SANBR: variants seen among roughly 807,000 people sequenced by gnomAD.
SANBR encodes SANT and BTB domain regulator of CSR.
In SANBR, 77 loss-of-function variants were observed where a neutral mutation model predicts 101.8. The observed-to-expected ratio is 0.76, with a 90% confidence interval of 0.63 to 0.91. The LOEUF (loss-of-function observed/expected upper bound fraction) is 0.91. Ranked by LOEUF, SANBR falls within the 40% of genes least tolerant of loss-of-function variation. SANBR has a pLI of 0.00. For missense variants in SANBR, 875 were observed against 853.0 expected (o/e 1.03, Z -0.32); for synonymous variants, 279 against 274.7 (o/e 1.02, Z -0.15).
intron 20 of SANBR, among the ~76,000 whole-genome samples, chr2:61,119,888 G>C (rs1684252193): frequency 6.6e-6 from 1 of 152,148 alleles, no homozygotes; most frequent in African/African-American, 2.4e-5. Flanking sequence ...CTTGAGCCTG[G>C]GAGGCAGAAG....
intron 8 of SANBR, 106 bp downstream of exon 8, chr2:61,083,420 A>G (rs1682247765): frequency 6.2e-6 from 5 of 805,824 alleles, no homozygotes; most frequent in Non-Finnish European, 9.7e-6. Context: ...TCTTTGAGAA[A>G]GGTTCTCACT....
At position 61,106,593 on chromosome 2, in the gene SANBR, G is replaced by A; in HGVS notation, c.1542G>A (p.Lys514=). The A allele has an allele frequency of 1.2e-6, 2 of 1,602,324 alleles. No individual in the cohort carries two copies. Among genetic ancestry groups the A allele is most frequent in the Non-Finnish European group, 8.5e-7 (1 of 1,176,324 alleles). ...SDVGVGLCDE[K]GIECDVLLEP... is the part of the protein sequence containing the mutation. ...TTGGGGTTGGCCTCTGTGATGAAAA[G>A]GGTATAGAATGTGATGTTTTACTGG... The change falls in exon 14 of 22, where the codon AAG becomes AAA. Residue 514 remains lysine (K), a synonymous_variant. Coordinates refer to ENST00000402291, the MANE Select transcript of SANBR (RefSeq NM_001129993.3).
At chr2:61,089,675 CAAAT>C (rs1324760877) in intron 10 of SANBR, 1 of 152,068 alleles carries the variant, frequency 6.6e-6, no homozygotes, top group African/African-American at 2.4e-5. Flanking sequence ...AACTCCATCT[CAAAT>C]AAATAAAATA....
downstream of SANBR, among the ~76,000 whole-genome samples, chr2:61,125,391 G>A (rs558201668): frequency 3.3e-5 from 5 of 152,256 alleles, no homozygotes; most frequent in Admixed American, 6.5e-5. Flanking sequence ...AATACTTTTC[G>A]TGGTTTCTAT....
intron 11 of SANBR, among the ~76,000 whole-genome samples, chr2:61,096,212 C>G (rs2104912515): frequency 6.6e-6 from 1 of 152,240 alleles, no homozygotes; most frequent in Middle Eastern, 3.4e-3. Context: ...CTTCAAAGCC[C>G]AACATTATCA....
intron 1 of SANBR, among the ~76,000 whole-genome samples, chr2:61,066,995 T>C (rs1681210806): frequency 6.6e-6 from 1 of 152,328 alleles, no homozygotes; most frequent in South Asian, 2.1e-4. Context: ...TAATTTGAAC[T>C]TTGAGCTTTT....
At chr2:61,127,010 T>C (rs982009673), downstream of SANBR, among the ~76,000 whole-genome samples, 3 of 152,198 alleles carry the variant, frequency 2.0e-5, no homozygotes, top group African/African-American at 4.8e-5. Context: ...GTATAAAATA[T>C]TCATCCAAGT....
At chr2:61,128,723 ACCTCAG>A (rs1684589622), downstream of SANBR, among the ~76,000 whole-genome samples, 1 of 151,950 alleles carries the variant, frequency 6.6e-6, no homozygotes, top group Admixed American at 6.6e-5. Flanking sequence ...CAAACTCCTG[ACCTCAG>A]GTGATCCGTC....
chr2:61,079,002 G>A (rs1255625913), intron 6 of SANBR, among the ~76,000 whole-genome samples: 1 of 151,806 alleles, frequency 6.6e-6, no homozygotes, highest in Non-Finnish European at 1.5e-5. Flanking sequence ...TTGCACCACC[G>A]CATTCCAGCC....
chr2:61,105,681 C>CT (rs953373735), intron 13 of SANBR, among the ~76,000 whole-genome samples: 11 of 138,874 alleles, frequency 7.9e-5, no homozygotes, highest in African/African-American at 1.1e-4. Context: ...CCCCTCCTTT[C>CT]TTTTTTTTTG....
intron 8 of SANBR, among the ~76,000 whole-genome samples, 163 bp from the exon 9 acceptor site, chr2:61,087,994 CTG>C (rs928749595): frequency 6.6e-6 from 1 of 152,012 alleles, no homozygotes; most frequent in Non-Finnish European, 1.5e-5. Flanking sequence ...TAATAATAAA[CTG>C]TTAATTTTAT....
In SANBR at chr2:61,097,706, C is replaced by G. The variant is rs1683094660; in HGVS notation, c.1219C>G (p.Leu407Val). ...LTCSRCYQAF[L>V]CIEFSHCQYH... ...TTATCTATGTCTTTATCAGGCCTTT[C>G]TCTGTATTGAATTTTCACATTGTCA... The change falls in exon 12 of 22, where the codon CTC (leucine) becomes GTC (valine). Residue 407 changes from leucine to valine, a missense_variant. Physicochemically the swap from Leu to Val is conservative, Grantham distance 32. Coordinates refer to ENST00000402291, the MANE Select transcript of SANBR (RefSeq NM_001129993.3). 6.3e-7 allele frequency: 1 copy of G among 1,598,698 alleles called. No individual in the cohort carries two copies. Among genetic ancestry groups the G allele is most frequent in the East Asian group, 2.2e-5 (1 of 44,628 alleles).
intron 12 of SANBR, among the ~76,000 whole-genome samples, chr2:61,101,055 A>G (rs1354326302): frequency 6.6e-6 from 1 of 152,154 alleles, no homozygotes; most frequent in Non-Finnish European, 1.5e-5. Context: ...TAGTTTTCTT[A>G]TATTTGCAAT....
At chr2:61,109,376 G>A (rs937543694) in intron 16 of SANBR, 80 bp downstream of exon 16, 15 of 760,742 alleles carry the variant, frequency 2.0e-5, no homozygotes, top group Non-Finnish European at 1.7e-5. Flanking sequence ...AAGGGATGGG[G>A]AATTGGTTTT....
chr2:61,129,827 T>C (rs1684631789), intron 20 of SANBR, among the ~76,000 whole-genome samples: 1 of 152,072 alleles, frequency 6.6e-6, no homozygotes. Context: ...ATAAAAGCTA[T>C]AAATATATAT....
chr2:61,085,560 G>A (rs1177675221), intron 8 of SANBR, among the ~76,000 whole-genome samples: 1 of 151,804 alleles, frequency 6.6e-6, no homozygotes, highest in African/African-American at 2.4e-5. Flanking sequence ...ACCCAGGCTG[G>A]AGTGCAATCA....
In SANBR at chr2:61,088,465, TA is replaced by T; in HGVS notation, c.1087del (p.Arg363GlufsTer11). ...DRRGNIVYIH[I>X]RDKTWDVHEY... ...CGTGGAAATATTGTCTATATTCACA[TA>T]AGGTGTCGTGAAGATAAAATACATA... On this transcript the variant is annotated frameshift_variant and splice_region_variant, in exon 10 of 22. Coordinates refer to ENST00000402291, the MANE Select transcript of SANBR (RefSeq NM_001129993.3). LOFTEE classifies it high-confidence loss of function. The T allele has an allele frequency of 6.3e-7, 1 of 1,589,140 alleles. No homozygotes were observed. The highest frequency in any genetic ancestry group is 8.6e-7 in the Non-Finnish European group (1 of 1,162,976).
At chr2:61,108,588 CTT>C (rs957402147) in intron 15 of SANBR, among the ~76,000 whole-genome samples, 1 of 151,982 alleles carries the variant, frequency 6.6e-6, no homozygotes, top group Non-Finnish European at 1.5e-5. Context: ...TAAAGTCACT[CTT>C]ATGTCATATT....
intron 4 of SANBR, 88 bp downstream of exon 4, chr2:61,071,880 T>C: frequency 2.5e-6 from 2 of 785,300 alleles, no homozygotes; most frequent in Non-Finnish European, 4.1e-6. Flanking sequence ...TTTCTTTGTT[T>C]AAAGGCTAAT....
Sources: allele counts gnomAD v4.1 joint callset (sites outside exome capture counted in the v4.1 genomes callset), GRCh38; gene constraint gnomAD v4.1.1; transcripts MANE v1.5; gene names NCBI Gene and HGNC (gene_info 2026-07-23, HGNC 2026-07-21).